ERI3: variants seen among roughly 807,000 people sequenced by gnomAD.
ERI3 encodes the protein ERI1 exoribonuclease family member 3.
ERI3 carries 18 observed loss-of-function variants against 44.4 expected under a neutral mutation model. The observed-to-expected ratio is 0.41, with a 90% CI of 0.28 to 0.60. The LOEUF is 0.60. ERI3 is among the 20% of genes least tolerant of loss of function. The pLI is 0.36. For synonymous variants in ERI3, 183 were observed against 164.8 expected (o/e 1.11, Z -0.84); for missense variants, 294 against 435.5 (o/e 0.68, Z 2.89).
intron 7 of ERI3, among the ~76,000 whole-genome samples, chr1:44,284,338 C>T (rs899197959): frequency 1.3e-5 from 2 of 152,162 alleles, no homozygotes; most frequent in African/African-American, 4.8e-5. Context: ...GGCTCTTCCT[C>T]ACATGAGCCA....
intron 6 of ERI3, among the ~76,000 whole-genome samples, chr1:44,295,551 G>A (rs1171095410): frequency 6.6e-6 from 1 of 152,202 alleles, no homozygotes; most frequent in East Asian, 1.9e-4. Flanking sequence ...TCCGGGATAT[G>A]CTGGGGTCAG....
In ERI3 at chr1:44,226,778, A is replaced by AACACACACACACACAC. The variant is rs60011057; in HGVS notation, c.932-5154_932-5139dup. ...TTGCTTCTCTATCTCAGCATTATTA[A>AACACACACACACACAC]ACACACACACACACACACACACACA... On this transcript the variant is annotated intron_variant, in intron 8 of 8. Coordinates refer to ENST00000372257, the MANE Select transcript of ERI3 (RefSeq NM_024066.3). Among the ~76,000 whole-genome samples, 333 of 143,464 alleles carry AACACACACACACACAC rather than the reference A, an allele frequency of 2.3e-3. 2 individuals are homozygous for AACACACACACACACAC. The highest frequency in any genetic ancestry group is 3.8e-3 in the African/African-American group (144 of 38,232). The allele number at this position is 143,464 out of a possible 152,430, so 94.1% of individuals were successfully genotyped here. A position where few individuals can be genotyped will look rare whatever the true frequency, so the allele number is the denominator to read the frequency against.
intron 6 of ERI3, among the ~76,000 whole-genome samples, chr1:44,286,020 A>T (rs1645387782): frequency 6.6e-6 from 1 of 152,192 alleles, no homozygotes; most frequent in Non-Finnish European, 1.5e-5. Context: ...AAACATTAAG[A>T]TGTAAAGGAG....
chr1:44,237,043 G>A lies in ERI3; in HGVS notation c.931+10896C>T, dbSNP rs77570257. Reference sequence around the variant, plus strand: ...AGTCAAGGGCATTAACCCTCAAATGGGCTGGTCAGGGGACTCAGGGGAGCG... The same window carrying A: ...AGTCAAGGGCATTAACCCTCAAATGAGCTGGTCAGGGGACTCAGGGGAGCG... On this transcript the variant is annotated intron_variant, in intron 8 of 8. Coordinates refer to ENST00000372257, the MANE Select transcript of ERI3 (RefSeq NM_024066.3). Among the ~76,000 whole-genome samples, 820 of 152,190 alleles carry A rather than the reference G, an allele frequency of 5.4e-3. 6 individuals are homozygous for A. Among genetic ancestry groups the A allele is most frequent in the African/African-American group, 0.019 (774 of 41,506 alleles).
rs554576576 is a variant in ERI3 at position 44,355,048 on chromosome 1, C to A, written c.-22G>T. The A allele has an allele frequency of 8.8e-6, 12 of 1,367,212 alleles. No homozygotes were observed. The South Asian group carries it at 2.0e-4, about 23-fold the overall frequency. The allele number at this position is 1,367,212 out of a possible 1,614,324, so 84.7% of individuals were successfully genotyped here. The stretch of plus-strand genomic sequence containing the variant: ...CCATGGCAACGCCCCCTCCTCGGGG[C>A]CAGCGCGGCAGGCTCCCTCCAGGTG... On this transcript the variant is annotated 5_prime_UTR_variant, in exon 1 of 9. Coordinates refer to ENST00000372257, the MANE Select transcript of ERI3 (RefSeq NM_024066.3).
intron 6 of ERI3, among the ~76,000 whole-genome samples, chr1:44,301,731 C>G (rs1645730746): frequency 6.6e-6 from 1 of 152,202 alleles, no homozygotes; most frequent in Admixed American, 6.5e-5. Flanking sequence ...CCCACCCACT[C>G]CAATGGCTGA....
chr1:44,276,100 C>T (rs1188454487), intron 7 of ERI3, among the ~76,000 whole-genome samples: 1 of 152,194 alleles, frequency 6.6e-6, no homozygotes, highest in Non-Finnish European at 1.5e-5. Context: ...TAACAACCAG[C>T]TCTCTTGGGA....
intron 2 of ERI3, among the ~76,000 whole-genome samples, chr1:44,350,451 G>A (rs1371677088): frequency 2.0e-5 from 3 of 151,982 alleles, no homozygotes; most frequent in South Asian, 2.1e-4. Flanking sequence ...TAGTAGAAAC[G>A]GGGTTTCGCC....
chr1:44,248,422 T>C (rs1472283589), intron 7 of ERI3, among the ~76,000 whole-genome samples: 2 of 152,086 alleles, frequency 1.3e-5, no homozygotes, highest in African/African-American at 2.4e-5. Context: ...TTGCTGGGCC[T>C]CCTCCTCACA....
At chr1:44,273,267 T>TA (rs1645121811) in intron 7 of ERI3, among the ~76,000 whole-genome samples, 1 of 152,236 alleles carries the variant, frequency 6.6e-6, no homozygotes, top group Non-Finnish European at 1.5e-5. Context: ...AGTCCTGGGC[T>TA]ATGGAAGGAA....
At chr1:44,239,365 T>A (rs957179945) in intron 8 of ERI3, among the ~76,000 whole-genome samples, 1 of 152,206 alleles carries the variant, frequency 6.6e-6, no homozygotes, top group African/African-American at 2.4e-5. Flanking sequence ...GGTCTTGATG[T>A]GACTGCTGCA....
chr1:44,269,595 C>A (rs1645052164), intron 7 of ERI3, among the ~76,000 whole-genome samples: 3 of 152,246 alleles, frequency 2.0e-5, no homozygotes, highest in African/African-American at 2.4e-5. Flanking sequence ...CTCTTACACA[C>A]ACAGTGGTGT....
At chr1:44,343,459 G>C (rs1646723844) in intron 2 of ERI3, among the ~76,000 whole-genome samples, 1 of 152,152 alleles carries the variant, frequency 6.6e-6, no homozygotes, top group South Asian at 2.1e-4. Context: ...CATCATTTCT[G>C]TTATATTCCT....
intron 4 of ERI3, among the ~76,000 whole-genome samples, chr1:44,313,626 A>T (rs886572140): frequency 6.6e-6 from 1 of 152,168 alleles, no homozygotes; most frequent in Non-Finnish European, 1.5e-5. Flanking sequence ...CTAGCTTCAC[A>T]GAAGTTCCCG....
intron 8 of ERI3, among the ~76,000 whole-genome samples, chr1:44,240,653 G>A (rs767208596): frequency 6.6e-6 from 1 of 152,224 alleles, no homozygotes; most frequent in African/African-American, 2.4e-5. Context: ...TGAGAGAACA[G>A]ATATAAAGCC....
At position 44,319,636 on chromosome 1, in the gene ERI3, A is replaced by G. The variant is rs1646160091; in HGVS notation, c.598T>C (p.Cys200Arg). 6.2e-7 allele frequency: 1 copy of G among 1,612,162 alleles called. No homozygotes were observed. The highest frequency in any genetic ancestry group is 1.3e-5 in the African/African-American group (1 of 74,900). The change falls in exon 4 of 9, where the codon TGT becomes CGT. Residue 200 changes from cysteine (C) to arginine (R), a missense_variant. By Grantham distance (180) the Cys-to-Arg change is radical. Transcript: ENST00000372257. ...ACTTCCAGGGCCCTTACCTCTGTAC[A>G]GAATGGGGTAAGCTGTGGATGGACT... ...PVVHPQLTPFCTELTGIIQAM... is the reference protein window; with the variant it reads ...PVVHPQLTPFRTELTGIIQAM...
intron 8 of ERI3, among the ~76,000 whole-genome samples, chr1:44,223,753 C>T (rs1383923697): frequency 6.6e-6 from 1 of 152,234 alleles, no homozygotes; most frequent in African/African-American, 2.4e-5. Context: ...GTTCTCCCAC[C>T]TGTGCCTGGC....
At chr1:44,352,048 T>C (rs527776536) in intron 2 of ERI3, among the ~76,000 whole-genome samples, 114 of 152,330 alleles carry the variant, frequency 7.5e-4, no homozygotes, top group Non-Finnish European at 1.0e-3. Context: ...GTAAGCTCTA[T>C]GGTGTCAGGG....
intron 3 of ERI3, among the ~76,000 whole-genome samples, chr1:44,326,362 G>C (rs899989504): frequency 5.3e-5 from 8 of 152,168 alleles, no homozygotes; most frequent in Admixed American, 5.2e-4. Context: ...GGAGAAGTGA[G>C]GGCTACACTG....
Sources: allele counts gnomAD v4.1 joint callset (sites outside exome capture counted in the v4.1 genomes callset), GRCh38; gene constraint gnomAD v4.1.1; transcripts MANE v1.5; gene names NCBI Gene and HGNC (gene_info 2026-07-23, HGNC 2026-07-21).